Variants in SF3A2 observed in about 807,000 individuals in gnomAD.
The protein encoded by SF3A2 is SAP 62.
SF3A2 carries 5 observed loss-of-function variants against 31.1 expected under a neutral mutation model. That is an observed-to-expected ratio of 0.16 (90% CI 0.08 to 0.34). The LOEUF (loss-of-function observed/expected upper bound fraction) is 0.34, where lower values mean the gene tolerates loss of function less well. Among genes scored for constraint, SF3A2 ranks in the 10% least tolerant of loss-of-function variants. The pLI is 1.00. For missense variants in SF3A2, 577 were observed against 643.9 expected (o/e 0.90, Z 1.13); for synonymous variants, 365 against 263.7 (o/e 1.38, Z -3.72).
At position 2,243,404 on chromosome 19, in the gene SF3A2, C is replaced by T. The variant is rs549240438; in HGVS notation, c.-15C>T. 60 of 1,531,866 alleles carry T rather than the reference C, an allele frequency of 3.9e-5. No homozygotes were observed. The highest frequency in any genetic ancestry group is 5.0e-5 in the Non-Finnish European group (57 of 1,146,120). The allele number at this position is 1,531,866 out of a possible 1,614,324, so 94.9% of individuals were successfully genotyped here. ...CAGGTGTCTCCCAGTCTGCTAAAGC[C>T]CTAAGGCCATCACCATGGACTTCCA... On this transcript the variant is annotated 5_prime_UTR_variant, in exon 2 of 9. Transcript: ENST00000221494.
In SF3A2 at chr19:2,247,769, C is replaced by G; in HGVS notation, c.618C>G (p.Phe206Leu). 6.2e-7 allele frequency: 1 copy of G among 1,611,906 alleles called. No homozygotes were observed. Among genetic ancestry groups the G allele is most frequent in the Non-Finnish European group, 8.5e-7 (1 of 1,179,448 alleles). The change falls in exon 9 of 9, where the codon TTC becomes TTG. Residue 206 changes from phenylalanine (F) to leucine (L), a missense_variant and splice_region_variant. Phe to Leu is a conservative substitution (Grantham distance 22). Around this residue, in one of 6 missense-constraint regions of SF3A2, gnomAD observed 37 missense variants for 85.0 expected, o/e 0.44. Transcript: ENST00000221494. ...WTHWNRETKQ[F>L]FLQFHFKMEK... ...TGAACCTTTCTCCGTCTCTCTAGTT[C>G]TTCCTCCAGTTCCACTTTAAGATGG... is the stretch of plus-strand genomic sequence containing the variant.
chr19:2,244,824 T>C, intron 4 of SF3A2, 45 bp downstream of exon 4: 4 of 1,582,588 alleles, frequency 2.5e-6, no homozygotes, highest in Non-Finnish European at 3.5e-6. Flanking sequence ...CCAGCAGCCG[T>C]TGGCTCAAGT....
At position 2,245,187 on chromosome 19, in the gene SF3A2, TA is replaced by T. The variant is rs113747822; in HGVS notation, c.246-244del. 0.13 allele frequency: 51,517 copies of T among 394,714 alleles called. 85 individuals are homozygous for T. The highest frequency in any genetic ancestry group is 0.16 in the Middle Eastern group (251 of 1,536). 24.5% of individuals were successfully genotyped at this position (394,714 alleles called of 1,614,324 possible). ...CGACAGAGTGAGACTCTTGTCTTATTAAAAAAAAAAAAAAAGAGCAGAGGCA... is the reference window on the plus strand; with the variant it reads ...CGACAGAGTGAGACTCTTGTCTTATTAAAAAAAAAAAAAAGAGCAGAGGCA... On this transcript the variant is annotated intron_variant, in intron 4 of 8. Transcript: ENST00000221494. This position sits in a 1 kb window ranked among gnomAD's most constrained non-coding sequence, Gnocchi z 4.2.
At position 2,244,678 on chromosome 19, in the gene SF3A2, C is replaced by T; in HGVS notation, c.199-55C>T. ...GCTGAGTGGCTGACGTCAGGGGGAC[C>T]TGCCTGTGTCTGTCCGCCCGGCCTC... On this transcript the variant is annotated intron_variant, in intron 3 of 8. Transcript: ENST00000221494. 4 of 1,611,332 alleles carry T rather than the reference C, an allele frequency of 2.5e-6. No homozygotes were observed. The South Asian group carries it at 3.3e-5, about 13-fold the overall frequency.
At chr19:2,243,264 G>C (rs1036408812) in intron 1 of SF3A2, 118 bp from the exon 2 acceptor site, 3 of 775,432 alleles carry the variant, frequency 3.9e-6, no homozygotes, top group Non-Finnish European at 5.8e-6. Context: ...AGACCCTGGC[G>C]CTGGGAGTGC....
rs546952575 is a variant in SF3A2, at chr19:2,245,039, G to A, written c.245+260G>A. 1 of 555,186 alleles carries A rather than the reference G, an allele frequency of 1.8e-6. No homozygotes were observed. Among genetic ancestry groups the A allele is most frequent in the South Asian group, 2.1e-5 (1 of 46,996 alleles). 34.4% of individuals were successfully genotyped at this position (555,186 alleles called of 1,614,324 possible). ...ATCTCTACTAAAAATACAAAAATTA[G>A]GCCAGGCATGGTGGCACACGTCTGT... On this transcript the variant is annotated intron_variant, in intron 4 of 8. Coordinates refer to ENST00000221494, the MANE Select transcript of SF3A2 (RefSeq NM_007165.5). The surrounding 1 kb of genome is among the most constrained non-coding windows in gnomAD (Gnocchi z 4.2).
In SF3A2 at chr19:2,243,506, C is replaced by T; in HGVS notation, c.88C>T (p.Leu30Phe). The T allele has an allele frequency of 6.5e-7, 1 of 1,548,476 alleles. No individual in the cohort carries two copies. Among genetic ancestry groups the T allele is most frequent in the Non-Finnish European group, 8.7e-7 (1 of 1,155,906 alleles). ...GAGCAACCGTGACCGCAGGGAGCGC[C>T]TCCGGCAGCTGGCCCTGGAGACCAT... Reference protein sequence around the residue: ...SESNRDRRERLRQLALETIDI... With the variant: ...SESNRDRRERFRQLALETIDI... The change falls in exon 2 of 9, where the codon CTC (leucine) becomes TTC (phenylalanine). Residue 30 changes from leucine (L) to phenylalanine (F), a missense_variant. This residue lies in a region of SF3A2 where 40 missense variants were observed against 50.0 expected (regional missense o/e 0.80). Transcript: ENST00000221494.
Position 2,248,002 on chromosome 19 carries a change from C to T in SF3A2, c.851C>T (p.Ala284Val), listed in dbSNP as rs770914003. The T allele has an allele frequency of 1.1e-6, 1 of 949,040 alleles. No homozygotes were observed. The highest frequency in any genetic ancestry group is 1.4e-5 in the South Asian group (1 of 73,052). The allele number at this position is 949,040 out of a possible 1,614,324, so 58.8% of individuals were successfully genotyped here. A position where few individuals can be genotyped will look rare whatever the true frequency, so the allele number is the denominator to read the frequency against. Residue 284 changes from alanine to valine, a missense_variant, in exon 9 of 9, where the codon GCT becomes GTT. Around this residue, in one of 6 missense-constraint regions of SF3A2, gnomAD observed 462 missense variants for 339.1 expected, o/e 1.36. Transcript: ENST00000221494. ...PPGPPQLPPP[A>V]PGVHPPAPVV... Reference sequence around the variant, plus strand: ...GGACCACCCCAGCTACCCCCGCCAGCTCCAGGGGTCCACCCCCCGGCCCCA... The same window carrying T: ...GGACCACCCCAGCTACCCCCGCCAGTTCCAGGGGTCCACCCCCCGGCCCCA...
chr19:2,241,926 G>A (rs974230476), intron 1 of SF3A2, among the ~76,000 whole-genome samples: 2 of 152,158 alleles, frequency 1.3e-5, no homozygotes, highest in African/African-American at 4.8e-5. Flanking sequence ...GCAGTGAGCT[G>A]GGAGGTCCAC....
At chr19:2,244,652 G>T (rs1355349318) in intron 3 of SF3A2, 37 bp downstream of exon 3, 1 of 1,611,318 alleles carries the variant, frequency 6.2e-7, no homozygotes, top group Non-Finnish European at 8.5e-7. Context: ...GCTCGCGGCG[G>T]GCTGAGTGGC....
chr19:2,242,673 C>G lies in SF3A2; in HGVS notation c.-37-709C>G, dbSNP rs1380958367. On this transcript the variant is annotated intron_variant, in intron 1 of 8. Coordinates refer to ENST00000221494, the MANE Select transcript of SF3A2 (RefSeq NM_007165.5). ...ACCAGGGCCCGGGGCCAACATTGAG[C>G]AGGCAAGGGAAAGACTACCAGGAGA... is the stretch of plus-strand genomic sequence containing the variant. Among the ~76,000 whole-genome samples, 6 of 152,190 alleles carry G rather than the reference C, an allele frequency of 3.9e-5. No homozygotes were observed. The South Asian group carries it at 8.3e-4, about 21-fold the overall frequency.
chr19:2,239,107 G>A (rs889102834), intron 1 of SF3A2, among the ~76,000 whole-genome samples: 1 of 152,248 alleles, frequency 6.6e-6, no homozygotes, highest in Non-Finnish European at 1.5e-5. Flanking sequence ...GCTCACGCCT[G>A]TAATCCCAGC....
chr19:2,248,083 C>T lies in SF3A2; in HGVS notation c.932C>T (p.Pro311Leu), dbSNP rs1007197280. Residue 311 changes from proline to leucine, a missense_variant, in exon 9 of 9, where the codon CCA becomes CTA. Pro to Leu is a moderately conservative substitution (Grantham distance 98). Around this residue, in one of 6 missense-constraint regions of SF3A2, gnomAD observed 462 missense variants for 339.1 expected, o/e 1.36. Transcript: ENST00000221494. ...VHPPAPGVHP[P>L]APGVHPPAPG... Reference sequence around the variant, plus strand: ...CCCCCAGCTCCTGGCGTCCACCCCCCAGCTCCTGGCGTCCATCCCCCAGCC... The same window carrying T: ...CCCCCAGCTCCTGGCGTCCACCCCCTAGCTCCTGGCGTCCATCCCCCAGCC... The T allele has an allele frequency of 1.0e-6, 1 of 959,564 alleles. No individual in the cohort carries two copies. Among genetic ancestry groups the T allele is most frequent in the Non-Finnish European group, 1.6e-6 (1 of 620,212 alleles). The allele number at this position is 959,564 out of a possible 1,614,324, so 59.4% of individuals were successfully genotyped here.
chr19:2,245,280 C>G lies in SF3A2; in HGVS notation c.246-166C>G. 1 of 601,096 alleles carries G rather than the reference C, an allele frequency of 1.7e-6. No homozygotes were observed. Among genetic ancestry groups the G allele is most frequent in the Admixed American group, 3.0e-5 (1 of 33,828 alleles). The allele number at this position is 601,096 out of a possible 1,614,324, so 37.2% of individuals were successfully genotyped here. A position where few individuals can be genotyped will look rare whatever the true frequency, so the allele number is the denominator to read the frequency against. ...ATGACAGGAAGAGAACATGCCTGTC[C>G]TATCCCTGTCCTCAGCCAAACCCCA... On this transcript the variant is annotated intron_variant, in intron 4 of 8. Transcript: ENST00000221494. The surrounding 1 kb of genome is among the most constrained non-coding windows in gnomAD (Gnocchi z 4.2).
intron 1 of SF3A2, among the ~76,000 whole-genome samples, chr19:2,240,327 GTCTC>G (rs1292798740): frequency 4.6e-5 from 7 of 152,330 alleles, no homozygotes; most frequent in African/African-American, 1.7e-4. Context: ...TGCTGGGCCT[GTCTC>G]TCTAACTCTA....
At chr19:2,242,627 G>C (rs1344262595) in intron 1 of SF3A2, among the ~76,000 whole-genome samples, 1 of 152,200 alleles carries the variant, frequency 6.6e-6, no homozygotes, top group Non-Finnish European at 1.5e-5. Context: ...CCATCTCTCT[G>C]AGCTCACCCA....
chr19:2,247,581 C>T lies in SF3A2; in HGVS notation c.547-13C>T. 6.2e-7 allele frequency: 1 copy of T among 1,613,026 alleles called. No homozygotes were observed. Among genetic ancestry groups the T allele is most frequent in the South Asian group, 1.1e-5 (1 of 91,082 alleles). On this transcript the variant is annotated splice_polypyrimidine_tract_variant and intron_variant, in intron 7 of 8. Coordinates refer to ENST00000221494, the MANE Select transcript of SF3A2 (RefSeq NM_007165.5). ...CAGGGACCAGGAGCCCTCTCTGTCC[C>T]CCGCCCTCCCAGGTGCCGAGCAGAG...
intron 1 of SF3A2, among the ~76,000 whole-genome samples, chr19:2,237,114 T>A (rs1188851935): frequency 6.7e-6 from 1 of 148,480 alleles, no homozygotes; most frequent in African/African-American, 2.5e-5. Context: ...CCAGGAACTC[T>A]ATTTCCAAAC....
At position 2,245,364 on chromosome 19, in the gene SF3A2, CA is replaced by C. The variant is rs2024922780; in HGVS notation, c.246-81del. On this transcript the variant is annotated intron_variant, in intron 4 of 8. Coordinates refer to ENST00000221494, the MANE Select transcript of SF3A2 (RefSeq NM_007165.5). The surrounding 1 kb of genome is among the most constrained non-coding windows in gnomAD (Gnocchi z 4.2). ...CTCAGCTTGTAGTGAGCTCCAAGGT[CA>C]GGGGGCTCCTGGCACCTGGGCCCAT... 3 of 1,039,590 alleles carry C rather than the reference CA, an allele frequency of 2.9e-6. No homozygotes were observed. Among genetic ancestry groups the C allele is most frequent in the African/African-American group, 3.2e-5 (2 of 62,804 alleles). The allele number at this position is 1,039,590 out of a possible 1,614,324, so 64.4% of individuals were successfully genotyped here. A position where few individuals can be genotyped will look rare whatever the true frequency, so the allele number is the denominator to read the frequency against.
Sources: gnomAD v4.1 joint callset for allele counts (sites outside exome capture counted in the v4.1 genomes callset) on GRCh38, gnomAD v4.1.1 for gene constraint, gnomAD v4.1.1 regional missense constraint, Gnocchi (gnomAD v3.1) non-coding constraint, MANE v1.5 for transcripts, NCBI Gene and HGNC (gene_info 2026-07-23, HGNC 2026-07-21) for gene names.